CNBD1: variants seen among roughly 807,000 people sequenced by gnomAD.
CNBD1 encodes cyclic nucleotide-binding domain-containing protein 1.
Under a neutral mutation model 54.4 loss-of-function variants are expected in CNBD1, and 71 were observed. The ratio of observed to expected loss-of-function variants is 1.30; its 90% confidence interval spans 1.08 to 1.59. CNBD1 has a LOEUF of 1.59. Among genes scored for constraint, CNBD1 ranks in the 40% most tolerant of loss-of-function variants. The probability of loss-of-function intolerance (pLI) is 0.00; values close to 1 mark genes in which losing one functional copy is unlikely to be tolerated. For missense variants in CNBD1, 659 were observed against 518.0 expected (o/e 1.27, Z -2.64); for synonymous variants, 182 against 170.7 (o/e 1.07, Z -0.51).
Position 87,406,755 on chromosome 8 carries a change from G to T in CNBD1, c.214-21791G>T, listed in dbSNP as rs532770462. ...GGCCTCCCAAAATGCTGGGATTACA[G>T]GGGAAAGCCACCGTGCCCGGCCCTC... On this transcript the variant is annotated intron_variant, in intron 2 of 7. Transcript: ENST00000521593. 6.6e-5 allele frequency among the ~76,000 whole-genome samples: 10 copies of T among 152,206 alleles called. No individual in the cohort carries two copies. The South Asian group carries it at 8.3e-4, about 13-fold the overall frequency.
At chr8:87,424,151 T>G (rs1425333310) in intron 2 of CNBD1, among the ~76,000 whole-genome samples, 1 of 152,022 alleles carries the variant, frequency 6.6e-6, no homozygotes, top group Non-Finnish European at 1.5e-5. Context: ...ATTGCATCTA[T>G]TTGACTCTTC....
chr8:87,244,834 G>T (rs954889503), intron 6 of CNBD1, among the ~76,000 whole-genome samples: 5 of 152,132 alleles, frequency 3.3e-5, no homozygotes, highest in South Asian at 2.1e-4. Flanking sequence ...AAATGTCAAA[G>T]ATGAACTGTG....
intron 4 of CNBD1, among the ~76,000 whole-genome samples, chr8:86,963,279 G>C (rs1807980995): frequency 6.6e-6 from 1 of 152,078 alleles, no homozygotes; most frequent in Non-Finnish European, 1.5e-5. Flanking sequence ...GAGTTCCCTA[G>C]ACCCTATCTA....
At chr8:87,289,892 G>A (rs1808757204) in intron 8 of CNBD1, among the ~76,000 whole-genome samples, 1 of 152,064 alleles carries the variant, frequency 6.6e-6, no homozygotes, top group Non-Finnish European at 1.5e-5. Flanking sequence ...ATACCTCGAG[G>A]TGCCAGTGAT....
chr8:87,349,923 TG>T (rs1166910173), intron 8 of CNBD1, among the ~76,000 whole-genome samples: 1 of 152,222 alleles, frequency 6.6e-6, no homozygotes, highest in African/African-American at 2.4e-5. Flanking sequence ...TATTCCTCTT[TG>T]TTGTTATATA....
intron 8 of CNBD1, among the ~76,000 whole-genome samples, chr8:87,315,106 T>G (rs1009522353): frequency 2.0e-5 from 3 of 151,528 alleles, no homozygotes; most frequent in Non-Finnish European, 4.4e-5. Flanking sequence ...GTGGACAGAT[T>G]AATTGAAGAA....
At chr8:87,165,949 C>T (rs1812953432) in intron 4 of CNBD1, among the ~76,000 whole-genome samples, 1 of 151,742 alleles carries the variant, frequency 6.6e-6, no homozygotes, top group South Asian at 2.1e-4. Context: ...AGGATATGAA[C>T]TTGTGGAGCA....
intron 1 of CNBD1, among the ~76,000 whole-genome samples, chr8:86,870,023 G>C (rs890191589): frequency 1.3e-5 from 2 of 150,712 alleles, no homozygotes; most frequent in African/African-American, 4.9e-5. Flanking sequence ...TTGACTACTG[G>C]TTGACTTGAA....
rs1033567509 is a variant in CNBD1, at chr8:87,144,393, C to T, written c.432-61600C>T. Among the ~76,000 whole-genome samples, 4 of 152,080 alleles carry T rather than the reference C, an allele frequency of 2.6e-5. No individual in the cohort carries two copies. In the East Asian group the frequency reaches 7.7e-4, roughly 29 times the overall value. Reference sequence around the variant, plus strand: ...GAAACAACAATAGACTTATTTCCCCCAATGACTTCAGATATTGGAATGATC... The same window carrying T: ...GAAACAACAATAGACTTATTTCCCCTAATGACTTCAGATATTGGAATGATC... On this transcript the variant is annotated intron_variant, in intron 4 of 10. Coordinates refer to ENST00000518476, the MANE Select transcript of CNBD1 (RefSeq NM_173538.3).
intron 4 of CNBD1, among the ~76,000 whole-genome samples, chr8:86,944,730 A>T (rs1229796845): frequency 6.6e-6 from 1 of 152,216 alleles, no homozygotes; most frequent in African/African-American, 2.4e-5. Context: ...TTAGGGTCTC[A>T]TAGCCCATGA....
chr8:87,117,683 A>T (rs1365284388), intron 4 of CNBD1, among the ~76,000 whole-genome samples: 1 of 152,214 alleles, frequency 6.6e-6, no homozygotes, highest in Non-Finnish European at 1.5e-5. Context: ...AGTGAGAACT[A>T]AGATAAATTG....
chr8:87,380,208 A>G (rs1002595132), intron 10 of CNBD1, among the ~76,000 whole-genome samples: 2 of 152,022 alleles, frequency 1.3e-5, no homozygotes, highest in Non-Finnish European at 2.9e-5. Context: ...GTCAAATGTC[A>G]AGATAGAAAT....
At chr8:87,192,928 A>G (rs1586320135) in intron 4 of CNBD1, among the ~76,000 whole-genome samples, 1 of 152,226 alleles carries the variant, frequency 6.6e-6, no homozygotes, top group Admixed American at 6.5e-5. Flanking sequence ...CAATCCTTCT[A>G]TCACAAGAAT....
intron 4 of CNBD1, among the ~76,000 whole-genome samples, chr8:86,952,099 T>C (rs949269737): frequency 6.6e-6 from 1 of 152,156 alleles, no homozygotes; most frequent in African/African-American, 2.4e-5. Context: ...ACCTATGACC[T>C]GGAAGCCCCC....
At chr8:86,926,026 G>A (rs1027047698) in intron 3 of CNBD1, among the ~76,000 whole-genome samples, 1 of 152,120 alleles carries the variant, frequency 6.6e-6, no homozygotes, top group African/African-American at 2.4e-5. Context: ...CCCCTCCCAT[G>A]TTCCATTTCT....
At chr8:87,367,901 G>C (rs1353785424) in intron 10 of CNBD1, among the ~76,000 whole-genome samples, 1 of 152,118 alleles carries the variant, frequency 6.6e-6, no homozygotes, top group Non-Finnish European at 1.5e-5. Flanking sequence ...GCCGGGAGTG[G>C]TGGCTTACGC....
chr8:87,074,776 G>A (rs746266388), intron 4 of CNBD1, among the ~76,000 whole-genome samples: 1 of 152,126 alleles, frequency 6.6e-6, no homozygotes, highest in South Asian at 2.1e-4. Context: ...TCAGTCCCAA[G>A]GTGAGAACCT....
chr8:87,241,626 C>T (rs1254893473), intron 6 of CNBD1, among the ~76,000 whole-genome samples: 1 of 152,100 alleles, frequency 6.6e-6, no homozygotes, highest in African/African-American at 2.4e-5. Context: ...GTGTCACATA[C>T]TAACGCAGGA....
chr8:87,310,129 A>G (rs1286915186), intron 8 of CNBD1, among the ~76,000 whole-genome samples: 1 of 152,098 alleles, frequency 6.6e-6, no homozygotes, highest in Non-Finnish European at 1.5e-5. Flanking sequence ...CCAAAGTGAG[A>G]GGATCACTTG....
Sources: gnomAD v4.1 joint callset for allele counts (sites outside exome capture counted in the v4.1 genomes callset) on GRCh38, gnomAD v4.1.1 for gene constraint, MANE v1.5 for transcripts, NCBI Gene and HGNC (gene_info 2026-07-23, HGNC 2026-07-21) for gene names.